SPMIP4: variants seen among roughly 807,000 people sequenced by gnomAD.
The protein encoded by SPMIP4 is sperm microtubule inner protein 4.
At chr7:25,154,901 G>T in the SPMIP4 span, 2 of 992,566 alleles carry the variant, frequency 2.0e-6, no homozygotes, top group Non-Finnish European at 3.0e-6. Flanking sequence ...CTGATCTATT[G>T]AGTCACACAT....
At chr7:25,175,774 C>T in the SPMIP4 span, among the ~76,000 whole-genome samples, 11 of 152,124 alleles carry the variant, frequency 7.2e-5, no homozygotes, top group Admixed American at 2.0e-4. Context: ...TTGGGAGCCA[C>T]GGACCCTGCA....
At chr7:25,142,262 C>G in the SPMIP4 span, 1 of 1,613,090 alleles carries the variant, frequency 6.2e-7, no homozygotes, top group South Asian at 1.1e-5. Context: ...CAAATCCTAT[C>G]TTTCGTGTTA....
the SPMIP4 span, among the ~76,000 whole-genome samples, chr7:25,175,922 G>A: frequency 1.3e-5 from 2 of 152,176 alleles, no homozygotes; most frequent in East Asian, 1.9e-4. Flanking sequence ...TGCTTTTTAA[G>A]AGGGGGTTAA....
At chr7:25,151,514 T>C in the SPMIP4 span, 10 of 863,700 alleles carry the variant, frequency 1.2e-5, no homozygotes, top group Non-Finnish European at 1.8e-5. Context: ...TGTGCCACCA[T>C]GTCAAGCCTA....
the SPMIP4 span, among the ~76,000 whole-genome samples, chr7:25,146,308 C>T: frequency 7.2e-5 from 11 of 152,038 alleles, no homozygotes; most frequent in Non-Finnish European, 1.3e-4. Flanking sequence ...GGGAACACTG[C>T]GGGTGTGAGA....
the SPMIP4 span, among the ~76,000 whole-genome samples, chr7:25,163,917 G>C: frequency 6.6e-6 from 1 of 152,134 alleles, no homozygotes; most frequent in East Asian, 1.9e-4. This position sits in a 1 kb window ranked among gnomAD's most constrained non-coding sequence, Gnocchi z 4.4. Flanking sequence ...TATTATTTTT[G>C]ACTAAGGAAC....
chr7:25,158,434 C>CATAG, the SPMIP4 span: 1 of 1,048,262 alleles, frequency 9.5e-7, no homozygotes, highest in Non-Finnish European at 1.4e-6. Context: ...ACTTCTAAGA[C>CATAG]ATAGGAAATG....
At chr7:25,145,032 G>A in the SPMIP4 span, among the ~76,000 whole-genome samples, 2 of 149,692 alleles carry the variant, frequency 1.3e-5, no homozygotes, top group African/African-American at 2.5e-5. Flanking sequence ...GTGCGATCTC[G>A]GCTCACTACA....
the SPMIP4 span, among the ~76,000 whole-genome samples, chr7:25,162,065 G>A: frequency 6.6e-6 from 1 of 151,818 alleles, no homozygotes; most frequent in Non-Finnish European, 1.5e-5. Flanking sequence ...GAGGCCAGGA[G>A]TTCGAGACTA....
chr7:25,144,286 T>C, the SPMIP4 span, among the ~76,000 whole-genome samples: 419 of 152,312 alleles, frequency 2.8e-3, 1 homozygote, highest in African/African-American at 9.6e-3. Context: ...TTTGACAAAA[T>C]ATCTCTGGAA....
the SPMIP4 span, among the ~76,000 whole-genome samples, chr7:25,126,836 A>G: frequency 6.6e-6 from 1 of 152,168 alleles, no homozygotes; most frequent in African/African-American, 2.4e-5. Context: ...TTTCAGACTG[A>G]GGAACTCCCT....
the SPMIP4 span, chr7:25,135,434 A>G: frequency 5.1e-6 from 5 of 985,630 alleles, no homozygotes; most frequent in Non-Finnish European, 6.0e-6. Flanking sequence ...CAGAGTCCAC[A>G]TACTTTTAAG....
At chr7:25,179,126 T>C in the SPMIP4 span, 1 of 1,540,664 alleles carries the variant, frequency 6.5e-7, no homozygotes, top group South Asian at 1.2e-5. Context: ...AATACACGAA[T>C]ACATTAAAAC....
At chr7:25,135,367 G>A in the SPMIP4 span, 2 of 985,466 alleles carry the variant, frequency 2.0e-6, no homozygotes, top group South Asian at 9.4e-5. Flanking sequence ...CATGCAGAGA[G>A]TTTTGGGTTT....
the SPMIP4 span, chr7:25,142,538 TG>T: frequency 9.1e-7 from 1 of 1,098,126 alleles, no homozygotes; most frequent in South Asian, 1.6e-5. Flanking sequence ...TTAAATACTT[TG>T]AGAAAAAGGC....
At chr7:25,135,952 T>G in the SPMIP4 span, 185 of 1,560,114 alleles carry the variant, frequency 1.2e-4, no homozygotes, top group Admixed American at 2.7e-4. Flanking sequence ...GGCTGGGTTT[T>G]GAAGGGAAGA....
the SPMIP4 span, among the ~76,000 whole-genome samples, chr7:25,177,099 T>C: frequency 1.8e-4 from 27 of 152,176 alleles, no homozygotes; most frequent in African/African-American, 6.5e-4. Flanking sequence ...ATTGTTCACA[T>C]TAGAAAGAAA....
the SPMIP4 span, among the ~76,000 whole-genome samples, chr7:25,166,291 G>GT: frequency 7.3e-6 from 1 of 136,662 alleles, no homozygotes; most frequent in East Asian, 2.1e-4. Flanking sequence ...GCAATGGTTA[G>GT]TTTAAGAACA....
chr7:25,142,623 T>G, the SPMIP4 span: 1 of 1,589,022 alleles, frequency 6.3e-7, no homozygotes, highest in Non-Finnish European at 8.5e-7. Context: ...TTTACTTGTA[T>G]GAAAGTGAAC....
Sources: gnomAD v4.1 joint callset for allele counts (sites outside exome capture counted in the v4.1 genomes callset) on GRCh38, gnomAD v4.1.1 for gene constraint, Gnocchi (gnomAD v3.1) non-coding constraint, MANE v1.5 for transcripts, NCBI Gene and HGNC (gene_info 2026-07-23, HGNC 2026-07-21) for gene names.